HERC2: variants seen among roughly 807,000 people sequenced by gnomAD.
HERC2 encodes E3 ubiquitin-protein ligase HERC2.
HERC2 carries 102 observed loss-of-function variants against 537.7 expected under a neutral mutation model. The observed-to-expected ratio is 0.19, with a 90% confidence interval of 0.16 to 0.22. HERC2 has a LOEUF of 0.22. HERC2 is among the 10% of genes least tolerant of loss of function. The pLI is 1.00. For synonymous variants in HERC2, 2,224 were observed against 2,466.2 expected (o/e 0.90, Z 2.91); for missense variants, 4,236 against 6,198.2 (o/e 0.68, Z 10.63).
Position 28,115,822 on chromosome 15 carries a change from C to G in HERC2, c.13610-281G>C, listed in dbSNP as rs544164772. 2.6e-5 allele frequency among the ~76,000 whole-genome samples: 4 copies of G among 152,368 alleles called. No homozygotes were observed. In the South Asian group the frequency reaches 8.3e-4, roughly 32 times the overall value. On this transcript the variant is annotated intron_variant, in intron 88 of 92. Coordinates refer to ENST00000261609, the MANE Select transcript of HERC2 (RefSeq NM_004667.6). ...TTCTTCTTCTTATGACAGCAAAGAG[C>G]TGGAACTTCCCCACGGGAGTGTCCT...
chr15:28,298,791 T>C (rs2076541994), intron 3 of HERC2, among the ~76,000 whole-genome samples: 1 of 151,652 alleles, frequency 6.6e-6, no homozygotes, highest in Non-Finnish European at 1.5e-5. Flanking sequence ...GCAAGACTCC[T>C]TCCCCCCCAA....
intron 23 of HERC2, among the ~76,000 whole-genome samples, chr15:28,242,798 T>A (rs1370262458): frequency 6.6e-6 from 1 of 151,912 alleles, no homozygotes; most frequent in Admixed American, 6.6e-5. Context: ...ATAAAAAAAA[T>A]AAAAATTATA....
chr15:28,147,284 T>C (rs1188465749), intron 70 of HERC2, among the ~76,000 whole-genome samples: 2 of 152,156 alleles, frequency 1.3e-5, no homozygotes, highest in Non-Finnish European at 2.9e-5. Flanking sequence ...TGACTAGAAA[T>C]ACCCTTTGTT....
rs1452979052 is a variant in HERC2, at chr15:28,177,532, G to A, written c.9164-23C>T. 1.2e-6 allele frequency: 2 copies of A among 1,611,020 alleles called. No individual in the cohort carries two copies. Among genetic ancestry groups the A allele is most frequent in the Non-Finnish European group, 1.7e-6 (2 of 1,177,356 alleles). ...CACCTGCAACATTCACAGACACACG[G>A]ATTGCCAAAGGGCAGGGAACAGAAA... On this transcript the variant is annotated intron_variant, in intron 59 of 92. Coordinates refer to ENST00000261609, the MANE Select transcript of HERC2 (RefSeq NM_004667.6). The surrounding 1 kb of genome is among the most constrained non-coding windows in gnomAD (Gnocchi z 5.0).
chr15:28,207,947 G>T (rs541823522), intron 44 of HERC2, among the ~76,000 whole-genome samples: 5 of 152,082 alleles, frequency 3.3e-5, no homozygotes, highest in Non-Finnish European at 7.3e-5. Context: ...CGGCAGTTTT[G>T]TCAATCTAGC....
chr15:28,210,236 C>T (rs1235615500), intron 44 of HERC2, among the ~76,000 whole-genome samples: 3 of 152,112 alleles, frequency 2.0e-5, no homozygotes, highest in Admixed American at 6.5e-5. Flanking sequence ...CGGATTCATG[C>T]CATTCTCCTG....
chr15:28,139,564 A>G (rs748452157), intron 78 of HERC2, among the ~76,000 whole-genome samples: 2 of 152,212 alleles, frequency 1.3e-5, no homozygotes, highest in East Asian at 3.8e-4. Flanking sequence ...CCTGACCCAG[A>G]GAAACTATGA....
In HERC2 at chr15:28,141,590, T is replaced by C. The variant is rs1446926287; in HGVS notation, c.11857A>G (p.Thr3953Ala). The C allele has an allele frequency of 5.6e-6, 9 of 1,614,044 alleles. No homozygotes were observed. The highest frequency in any genetic ancestry group is 7.6e-6 in the Non-Finnish European group (9 of 1,180,042). ...TGATTATGTCCCCATCCATAAATTG[T>C]TCCACTGCCACCAGCAGAGAGAGTC... Reference protein sequence around the residue: ...DWTLSAGGSGTIYGWGHNHRG... With the variant: ...DWTLSAGGSGAIYGWGHNHRG... The change falls in exon 78 of 93, where the codon ACA becomes GCA. Residue 3953 changes from threonine (T) to alanine (A), a missense_variant. Thr to Ala is a moderately conservative substitution (Grantham distance 58). Transcript: ENST00000261609.
intron 5 of HERC2, among the ~76,000 whole-genome samples, chr15:28,278,451 GTTATA>G (rs982130585): frequency 6.6e-6 from 1 of 152,060 alleles, no homozygotes; most frequent in African/African-American, 2.4e-5. Context: ...GGAATTAGAT[GTTATA>G]TTGTATTGTT....
At chr15:28,141,158 A>T (rs1278143639) in intron 78 of HERC2, among the ~76,000 whole-genome samples, 1 of 151,874 alleles carries the variant, frequency 6.6e-6, no homozygotes, top group Non-Finnish European at 1.5e-5. Flanking sequence ...GAATCACTTG[A>T]ACTCAGGAGG....
At chr15:28,215,342 T>G (rs1325684343) in intron 39 of HERC2, among the ~76,000 whole-genome samples, 3 of 152,232 alleles carry the variant, frequency 2.0e-5, no homozygotes, top group African/African-American at 7.2e-5. Flanking sequence ...AAAGAATTAT[T>G]TTTAGTTTAA....
At chr15:28,309,274 C>T (rs1429341982) in intron 2 of HERC2, among the ~76,000 whole-genome samples, 1 of 152,078 alleles carries the variant, frequency 6.6e-6, no homozygotes, top group Non-Finnish European at 1.5e-5. Flanking sequence ...AAGCCTCCAT[C>T]TATTAATGTG....
At chr15:28,217,804 G>A (rs969741322) in intron 38 of HERC2, among the ~76,000 whole-genome samples, 12 of 152,190 alleles carry the variant, frequency 7.9e-5, no homozygotes, top group African/African-American at 2.4e-4. Context: ...ATGTGAAGAC[G>A]CAGGCAGAGA....
At chr15:28,291,227 A>G (rs2141130221) in intron 4 of HERC2, among the ~76,000 whole-genome samples, 1 of 152,200 alleles carries the variant, frequency 6.6e-6, no homozygotes, top group East Asian at 1.9e-4. Flanking sequence ...TATTAACCCC[A>G]AATACGAATT....
At chr15:28,288,535 CAAAAAAAA>C (rs1216166029) in intron 4 of HERC2, among the ~76,000 whole-genome samples, 2 of 82,432 alleles carry the variant, frequency 2.4e-5, no homozygotes, top group Non-Finnish European at 4.8e-5. Flanking sequence ...AACTCCGACT[CAAAAAAAA>C]AAAAAAAAAG....
intron 4 of HERC2, among the ~76,000 whole-genome samples, chr15:28,287,225 C>CA (rs1351476555): frequency 5.3e-5 from 8 of 151,622 alleles, no homozygotes; most frequent in East Asian, 1.9e-4. Context: ...GATGGAAGAG[C>CA]AAAAAAACAG....
chr15:28,313,191 C>CTTT (rs1567154723), intron 2 of HERC2, among the ~76,000 whole-genome samples: 1 of 78,982 alleles, frequency 1.3e-5, no homozygotes, highest in African/African-American at 4.0e-5. Flanking sequence ...ACAGTTAAGG[C>CTTT]ATTTTTTTTT....
intron 65 of HERC2, among the ~76,000 whole-genome samples, chr15:28,173,769 C>T (rs1356152803): frequency 6.7e-6 from 1 of 148,376 alleles, no homozygotes; most frequent in African/African-American, 2.5e-5. Context: ...TGCCACTGCA[C>T]TCCAGAGTGA....
chr15:28,226,161 T>C (rs1241260486), intron 35 of HERC2, among the ~76,000 whole-genome samples: 1 of 152,168 alleles, frequency 6.6e-6, no homozygotes, highest in African/African-American at 2.4e-5. Context: ...GGAAAGACAT[T>C]CCACATTCAG....
Sources: gnomAD v4.1 joint callset for allele counts (sites outside exome capture counted in the v4.1 genomes callset) on GRCh38, gnomAD v4.1.1 for gene constraint, Gnocchi (gnomAD v3.1) non-coding constraint, MANE v1.5 for transcripts, NCBI Gene and HGNC (gene_info 2026-07-23, HGNC 2026-07-21) for gene names.